Variants in AGO3 observed in about 807,000 individuals in gnomAD.
AGO3 encodes the protein protein argonaute-3.
AGO3 carries 16 observed loss-of-function variants against 105.5 expected under a neutral mutation model. The ratio of observed to expected loss-of-function variants is 0.15; its 90% CI spans 0.10 to 0.23. The LOEUF (loss-of-function observed/expected upper bound fraction) is 0.23, where lower values mean the gene tolerates loss of function less well. AGO3 is among the 10% of genes least tolerant of loss of function. The pLI is 1.00. For synonymous variants in AGO3, 340 were observed against 367.3 expected, an observed-to-expected ratio of 0.93 and a Z score of 0.85; for missense variants, 534 against 1,088.0, an observed-to-expected ratio of 0.49 and a Z score of 7.16.
chr1:35,951,073 C>T (rs994282005), intron 2 of AGO3, among the ~76,000 whole-genome samples: 3 of 152,110 alleles, frequency 2.0e-5, no homozygotes, highest in Non-Finnish European at 2.9e-5. Flanking sequence ...TCTCCTGCCT[C>T]AGCCTCCCGA....
intron 2 of AGO3, 72 bp from the exon 3 acceptor site, chr1:35,966,883 A>T: frequency 6.7e-7 from 1 of 1,493,528 alleles, no homozygotes; most frequent in Non-Finnish European, 9.0e-7. Flanking sequence ...CAGTGGCAGA[A>T]ATTACTTCTG....
At chr1:36,029,381 CTCTT>C (rs1161348982) in intron 12 of AGO3, among the ~76,000 whole-genome samples, 69 of 148,590 alleles carry the variant, frequency 4.6e-4, no homozygotes, top group African/African-American at 1.6e-3. Context: ...ATTAAATTTT[CTCTT>C]TCTTTCTTTT....
Position 36,039,856 on chromosome 1 carries a change from C to A in AGO3, c.1909C>A (p.Gln637Lys). Reference sequence around the variant, plus strand: ...CACAGTAAGAGTTCAGAGACCCCGACAGGAGATCATCCAGGACTTGGCCTC... The same window carrying A: ...CACAGTAAGAGTTCAGAGACCCCGAAAGGAGATCATCCAGGACTTGGCCTC... ...CATVRVQRPR[Q>K]EIIQDLASMV... The change falls in exon 15 of 19, where the codon CAG becomes AAG. Residue 637 changes from glutamine (Q) to lysine (K), a missense_variant. Transcript: ENST00000373191. 3.1e-6 allele frequency: 5 copies of A among 1,613,840 alleles called. No homozygotes were observed. The highest frequency in any genetic ancestry group is 4.2e-6 in the Non-Finnish European group (5 of 1,179,946).
chr1:35,993,400 A>G (rs1381693612), intron 5 of AGO3, among the ~76,000 whole-genome samples: 1 of 152,234 alleles, frequency 6.6e-6, no homozygotes, highest in Non-Finnish European at 1.5e-5. Flanking sequence ...GAAATTAGGA[A>G]AAAGCAGATT....
intron 5 of AGO3, among the ~76,000 whole-genome samples, chr1:35,986,210 C>T (rs1391050721): frequency 6.6e-6 from 1 of 152,154 alleles, no homozygotes; most frequent in Non-Finnish European, 1.5e-5. Context: ...ACTTAAAACC[C>T]ATAAAGAGAT....
intron 17 of AGO3, among the ~76,000 whole-genome samples, chr1:36,048,830 C>CAGGCATGCATCACCACACA (rs1553171884): frequency 6.6e-6 from 1 of 152,166 alleles, no homozygotes; most frequent in Non-Finnish European, 1.5e-5. Flanking sequence ...GCTGGGACTA[C>CAGGCATGCATCACCACACA]AGGCATGCAT....
rs57763931 is a variant in AGO3, at chr1:36,036,108, A to AT, written c.1752-67dup. On this transcript the variant is annotated intron_variant, in intron 13 of 18. Transcript: ENST00000373191. ...GTCAATAACTTGAAGTTACGTTGCAATTGTGTGAAACAGATAAATGGATAC... is the reference window on the plus strand; with the variant it reads ...GTCAATAACTTGAAGTTACGTTGCAATTTGTGTGAAACAGATAAATGGATAC... The AT allele has an allele frequency of 3.1e-3, 4,445 of 1,446,444 alleles. 100 individuals carry two copies. In the African/African-American group the frequency reaches 0.053, roughly 17 times the overall value. The allele number at this position is 1,446,444 out of a possible 1,614,324, so 89.6% of individuals were successfully genotyped here.
chr1:35,984,084 A>G (rs558090903), intron 5 of AGO3, among the ~76,000 whole-genome samples: 41 of 152,308 alleles, frequency 2.7e-4, no homozygotes, highest in African/African-American at 8.4e-4. Flanking sequence ...AGCATTTAAG[A>G]AAAAAAGAAC....
intron 3 of AGO3, among the ~76,000 whole-genome samples, chr1:35,969,355 T>G (rs1646827201): frequency 6.6e-6 from 1 of 152,174 alleles, no homozygotes; most frequent in African/African-American, 2.4e-5. Context: ...GTTTTTAATT[T>G]TGAAATGGGA....
rs1341825428 is a variant in AGO3 at position 36,061,681 on chromosome 1, T to C, written c.*5936T>C. Reference sequence around the variant, plus strand: ...AGAATCTAATGTATCTATGTTAGGGTCTCAGTAAAGCAAAGACGTTTGTCA... The same window carrying C: ...AGAATCTAATGTATCTATGTTAGGGCCTCAGTAAAGCAAAGACGTTTGTCA... On this transcript the variant is annotated 3_prime_UTR_variant, in exon 19 of 19. Transcript: ENST00000373191. The C allele has an allele frequency of 1.3e-5, 2 of 152,152 alleles. No homozygotes were observed. 9.4% of individuals were successfully genotyped at this position (152,152 alleles called of 1,614,324 possible).
At chr1:35,958,253 C>T (rs1183680633) in intron 2 of AGO3, among the ~76,000 whole-genome samples, 2 of 151,492 alleles carry the variant, frequency 1.3e-5, no homozygotes, top group East Asian at 3.9e-4. Flanking sequence ...TGGTGGTGCG[C>T]GTTTGTAATC....
chr1:35,982,871 A>G, intron 5 of AGO3: 1 of 450,050 alleles, frequency 2.2e-6, no homozygotes, highest in South Asian at 5.2e-5. Context: ...GATTTTTGAA[A>G]GAATTGTTTT....
At chr1:35,990,153 T>C (rs1387411042) in intron 5 of AGO3, among the ~76,000 whole-genome samples, 1 of 152,196 alleles carries the variant, frequency 6.6e-6, no homozygotes, top group African/African-American at 2.4e-5. Flanking sequence ...AGCTCTGTAC[T>C]GCATCCCTTA....
chr1:36,041,494 G>A (rs1272926335), intron 16 of AGO3, among the ~76,000 whole-genome samples: 1 of 152,118 alleles, frequency 6.6e-6, no homozygotes, highest in East Asian at 1.9e-4. Flanking sequence ...GCCTGCCTCG[G>A]CCTGCCAAAG....
rs1335782725 is a variant in AGO3, at chr1:36,066,728, C to A, written c.*10983C>A. 6.6e-6 allele frequency: 1 copy of A among 152,096 alleles called. No individual in the cohort carries two copies. The highest frequency in any genetic ancestry group is 6.6e-5 in the Admixed American group (1 of 15,266). 9.4% of individuals were successfully genotyped at this position (152,096 alleles called of 1,614,324 possible). ...AGAAGGAAAGACTGCAAAAATGTTG[C>A]ATACGTGACTCTTTATTGTCAGAAT... On this transcript the variant is annotated 3_prime_UTR_variant, in exon 19 of 19. Coordinates refer to ENST00000373191, the MANE Select transcript of AGO3 (RefSeq NM_024852.4).
At chr1:36,032,332 G>A (rs1480322263) in intron 12 of AGO3, among the ~76,000 whole-genome samples, 1 of 152,068 alleles carries the variant, frequency 6.6e-6, no homozygotes, top group Non-Finnish European at 1.5e-5. Flanking sequence ...ATCTTTTCAT[G>A]TGCTTATGGG....
intron 2 of AGO3, among the ~76,000 whole-genome samples, chr1:35,947,218 A>G (rs1646382972): frequency 6.6e-6 from 1 of 152,106 alleles, no homozygotes; most frequent in South Asian, 2.1e-4. Context: ...GGTTCTTTGC[A>G]TTACATGTTA....
At chr1:36,009,435 A>AAG in intron 8 of AGO3, 40 bp from the exon 9 acceptor site, 1 of 1,547,936 alleles carries the variant, frequency 6.5e-7, no homozygotes. Flanking sequence ...TAAAAAAAAA[A>AAG]GATATATACA....
chr1:35,994,188 A>G (rs992560790), intron 5 of AGO3, among the ~76,000 whole-genome samples: 3 of 150,570 alleles, frequency 2.0e-5, no homozygotes, highest in East Asian at 1.9e-4. Flanking sequence ...GGCTCAAGCA[A>G]TTCTCCCATC....
Sources: gnomAD v4.1 joint callset for allele counts (sites outside exome capture counted in the v4.1 genomes callset) on GRCh38, gnomAD v4.1.1 for gene constraint, MANE v1.5 for transcripts, NCBI Gene and HGNC (gene_info 2026-07-23, HGNC 2026-07-21) for gene names.